FRMPD4: variants seen among roughly 807,000 people sequenced by gnomAD.
The protein encoded by FRMPD4 is FERM and PDZ domain containing 4.
Under a neutral mutation model 94.1 loss-of-function variants are expected in FRMPD4, and 22 were observed. The observed-to-expected ratio is 0.23, with a 90% CI of 0.17 to 0.33. The LOEUF (loss-of-function observed/expected upper bound fraction) is 0.33. Among genes scored for constraint, FRMPD4 ranks in the 10% least tolerant of loss-of-function variants. FRMPD4 has a pLI of 1.00. For synonymous variants in FRMPD4, 631 were observed against 548.6 expected (o/e 1.15, Z -2.10); for missense variants, 1,111 against 1,339.9 (o/e 0.83, Z 2.67).
At chrX:12,522,134 C>T (rs1471293229) in intron 2 of FRMPD4, among the ~76,000 whole-genome samples, 1 of 107,622 alleles carries the variant, frequency 9.3e-6, no homozygotes, top group African/African-American at 3.4e-5. Flanking sequence ...AAAAAAAATT[C>T]TGAGCCTCAA....
intron 1 of FRMPD4, among the ~76,000 whole-genome samples, chrX:12,288,152 A>G (rs759657434): frequency 8.9e-6 from 1 of 112,030 alleles, no homozygotes; most frequent in Admixed American, 9.4e-5. Context: ...TCACATATTC[A>G]TGGCAGAAGG....
chrX:12,410,482 A>G (rs2056718604), intron 1 of FRMPD4, among the ~76,000 whole-genome samples: 1 of 111,036 alleles, frequency 9.0e-6, no homozygotes, highest in Non-Finnish European at 1.9e-5. Context: ...AGAGATAACC[A>G]CTTTGCACCA....
intron 1 of FRMPD4, among the ~76,000 whole-genome samples, chrX:12,149,974 A>G (rs908293782): frequency 4.4e-5 from 5 of 112,369 alleles, no homozygotes; most frequent in Non-Finnish European, 9.4e-5. Flanking sequence ...TCATTAGCAT[A>G]TTTTTAACAA....
intron 3 of FRMPD4, among the ~76,000 whole-genome samples, chrX:12,027,321 T>A (rs928606645): frequency 2.7e-5 from 3 of 112,369 alleles, no homozygotes; most frequent in Non-Finnish European, 5.6e-5. Context: ...TGTTCTCTCA[T>A]CAGTCCAATG....
chrX:12,442,584 T>C, intron 1 of FRMPD4, among the ~76,000 whole-genome samples: 1 of 112,068 alleles, frequency 8.9e-6, no homozygotes, highest in Non-Finnish European at 1.9e-5. Context: ...ATTACAAATG[T>C]TGATGAGGGC....
chrX:12,046,334 G>A (rs189701421), intron 3 of FRMPD4, among the ~76,000 whole-genome samples: 94 of 110,928 alleles, frequency 8.5e-4, no homozygotes, highest in African/African-American at 2.6e-3. Context: ...TGATACCACC[G>A]CAGAGGTCAT....
At chrX:12,324,907 A>G (rs190767746) in intron 1 of FRMPD4, among the ~76,000 whole-genome samples, 1 of 112,348 alleles carries the variant, frequency 8.9e-6, no homozygotes, top group Non-Finnish European at 1.9e-5. Context: ...GTACAAGAAC[A>G]GTTCTACCAA....
chrX:12,657,796 G>A (rs888654977), intron 4 of FRMPD4, among the ~76,000 whole-genome samples: 1 of 112,389 alleles, frequency 8.9e-6, no homozygotes, highest in Non-Finnish European at 1.9e-5. Flanking sequence ...CACAAAAGAG[G>A]CCTTTGGCCT....
At chrX:12,182,475 C>T (rs1043591193) in intron 1 of FRMPD4, among the ~76,000 whole-genome samples, 1 of 110,869 alleles carries the variant, frequency 9.0e-6, no homozygotes, top group Non-Finnish European at 1.9e-5. Flanking sequence ...TATTTTAATG[C>T]ACTGAGGAAT....
intron 1 of FRMPD4, among the ~76,000 whole-genome samples, chrX:12,155,871 G>A (rs970114444): frequency 9.7e-6 from 1 of 102,900 alleles, no homozygotes; most frequent in Admixed American, 1.1e-4. Context: ...AGTTTTATTA[G>A]AACACAGCCA....
chrX:12,516,007 A>G lies in FRMPD4; in HGVS notation c.158+17211A>G, dbSNP rs1193464869. Among the ~76,000 whole-genome samples the G allele has an allele frequency of 1.6e-4, 18 of 111,716 alleles. No individual in the cohort carries two copies. The Admixed American group carries it at 1.7e-3, about 11-fold the overall frequency. The stretch of plus-strand genomic sequence containing the variant: ...TGGTTTAAAGTCTGTTTTATCAGAA[A>G]TTAGAATTGCAATCCCTGCTTTTTT... On this transcript the variant is annotated intron_variant, in intron 2 of 16. Coordinates refer to ENST00000675598, the MANE Select transcript of FRMPD4 (RefSeq NM_001368397.1).
intron 3 of FRMPD4, among the ~76,000 whole-genome samples, chrX:11,988,141 G>A (rs1430257917): frequency 1.8e-5 from 2 of 111,524 alleles, no homozygotes; most frequent in Non-Finnish European, 3.8e-5. Context: ...GCTATGCTGA[G>A]CAAAAGGAAT....
chrX:12,111,704 G>T (rs1409825207), intron 3 of FRMPD4, among the ~76,000 whole-genome samples: 1 of 111,684 alleles, frequency 9.0e-6, no homozygotes, highest in African/African-American at 3.3e-5. Flanking sequence ...AATCTACAAA[G>T]AACTCAAACA....
At chrX:11,903,828 A>C (rs1450500141) in intron 3 of FRMPD4, among the ~76,000 whole-genome samples, 1 of 111,774 alleles carries the variant, frequency 8.9e-6, no homozygotes, top group Non-Finnish European at 1.9e-5. Flanking sequence ...TTGCCTGGCT[A>C]GAGTGCAGTA....
chrX:12,710,106 C>T (rs1388412098), intron 13 of FRMPD4, among the ~76,000 whole-genome samples: 3 of 105,747 alleles, frequency 2.8e-5, no homozygotes, highest in East Asian at 3.1e-4. Flanking sequence ...CCAGTCTCGG[C>T]GACAGAGCGA....
chrX:11,978,321 CAAAAAAAAAAA>C (rs1172824155), intron 3 of FRMPD4, among the ~76,000 whole-genome samples: 2 of 16,353 alleles, frequency 1.2e-4, no homozygotes, highest in African/African-American at 2.2e-4. Flanking sequence ...AACTCCATCT[CAAAAAAAAAAA>C]AAAAAAAAAA....
chrX:12,071,093 T>G (rs929337997), intron 3 of FRMPD4, among the ~76,000 whole-genome samples: 3 of 111,750 alleles, frequency 2.7e-5, no homozygotes, highest in African/African-American at 6.5e-5. Flanking sequence ...AGCCCATAAA[T>G]AGCGCCAATA....
chrX:12,049,647 C>T (rs1440238065), intron 3 of FRMPD4, among the ~76,000 whole-genome samples: 1 of 111,086 alleles, frequency 9.0e-6, no homozygotes, highest in Non-Finnish European at 1.9e-5. Context: ...ATTCCTTCTG[C>T]TTATAAAAAA....
intron 3 of FRMPD4, among the ~76,000 whole-genome samples, chrX:11,896,807 A>G (rs1183108710): frequency 1.8e-5 from 2 of 111,650 alleles, no homozygotes; most frequent in African/African-American, 6.5e-5. Flanking sequence ...GAATGTTTAA[A>G]CTGGTGTTTC....
Sources: gnomAD v4.1 joint callset for allele counts (sites outside exome capture counted in the v4.1 genomes callset) on GRCh38, gnomAD v4.1.1 for gene constraint, MANE v1.5 for transcripts, NCBI Gene and HGNC (gene_info 2026-07-23, HGNC 2026-07-21) for gene names.